MYH15: variants seen among roughly 807,000 people sequenced by gnomAD.
MYH15 encodes myosin heavy chain 15, also known as myosin-15.
MYH15 carries 227 observed loss-of-function variants against 240.5 expected under a neutral mutation model. That is an observed-to-expected ratio of 0.94 (90% CI 0.85 to 1.05). The LOEUF is 1.05. Ranked by LOEUF, MYH15 falls within the 50% of genes least tolerant of loss-of-function variation. The probability of loss-of-function intolerance (pLI) is 0.00; values close to 1 mark genes in which losing one functional copy is unlikely to be tolerated. For missense variants in MYH15, 2,217 were observed against 2,247.5 expected (o/e 0.99, Z 0.27); for synonymous variants, 785 against 796.7 (o/e 0.99, Z 0.25).
At chr3:108,485,314 GCTGT>G in intron 10 of MYH15, 85 bp from the exon 11 acceptor site, 1 of 1,475,212 alleles carries the variant, frequency 6.8e-7, no homozygotes, top group Non-Finnish European at 9.3e-7. Flanking sequence ...TACACCTCGG[GCTGT>G]GGGCTGAGGG....
At position 108,416,866 on chromosome 3, in the gene MYH15, GCT is replaced by G; in HGVS notation, c.3892_3893del (p.Ser1298GlnfsTer7). 1 of 1,614,024 alleles carries G rather than the reference GCT, an allele frequency of 6.2e-7. No individual in the cohort carries two copies. The highest frequency in any genetic ancestry group is 2.2e-5 in the East Asian group (1 of 44,878). On this transcript the variant is annotated frameshift_variant, in exon 29 of 41. Transcript: ENST00000693548. LOFTEE classifies it high-confidence loss of function. ...ALINQLSREK[S>X]NFTRQIEDLR... ...GGTCTTCAATCTGCCGAGTGAAGTT[GCT>G]CTTTTCCCTGGAAAGTTGGTTTATC...
At chr3:108,422,357 A>G (rs1028613077) in intron 27 of MYH15, among the ~76,000 whole-genome samples, 2 of 151,828 alleles carry the variant, frequency 1.3e-5, no homozygotes, top group Admixed American at 1.3e-4. Context: ...AGGTGGGATT[A>G]TAGGCATGCG....
chr3:108,542,434 TGAC>T, the MYH15 span, among the ~76,000 whole-genome samples: 2 of 152,238 alleles, frequency 1.3e-5, no homozygotes, highest in South Asian at 4.1e-4. Context: ...TCTATAGTTT[TGAC>T]TTTTCCAGAA....
intron 29 of MYH15, 73 bp from the exon 30 acceptor site, chr3:108,414,501 T>C (rs984884207): frequency 1.4e-6 from 2 of 1,389,898 alleles, no homozygotes; most frequent in African/African-American, 2.9e-5. Context: ...TAAGCTAATT[T>C]TTTTTTTAGG....
At chr3:108,432,967 G>A (rs757611266) in intron 25 of MYH15, among the ~76,000 whole-genome samples, 59 of 152,178 alleles carry the variant, frequency 3.9e-4, no homozygotes, top group Non-Finnish European at 8.8e-5. Flanking sequence ...ACTGCCTAGT[G>A]GAAGTGTAAG....
intron 1 of MYH15, among the ~76,000 whole-genome samples, chr3:108,518,532 A>G (rs9844252): frequency 0.019 from 2,955 of 152,280 alleles, 105 homozygotes; most frequent in African/African-American, 0.068. Context: ...TCCGCATCCT[A>G]TGATAAAAGC....
intron 4 of MYH15, 54 bp downstream of exon 4, chr3:108,500,064 G>A: frequency 1.9e-6 from 3 of 1,563,516 alleles, no homozygotes; most frequent in Non-Finnish European, 2.6e-6. Context: ...TAGGGACATA[G>A]AGAAAAAGTA....
chr3:108,483,518 C>A (rs1365948800), intron 11 of MYH15, among the ~76,000 whole-genome samples: 1 of 152,006 alleles, frequency 6.6e-6, no homozygotes, highest in East Asian at 1.9e-4. Flanking sequence ...GAGGTATGGC[C>A]ACTGTGGAAA....
At chr3:108,545,812 T>C in the MYH15 span, among the ~76,000 whole-genome samples, 1 of 152,016 alleles carries the variant, frequency 6.6e-6, no homozygotes, top group Non-Finnish European at 1.5e-5. Context: ...CTCTTCCCAA[T>C]ACCTATTATA....
chr3:108,470,973 C>T, intron 12 of MYH15, 126 bp from the exon 13 acceptor site: 1 of 679,958 alleles, frequency 1.5e-6, no homozygotes, highest in African/African-American at 1.8e-5. Context: ...GTGCTTCCAA[C>T]ATTCTGCTGA....
At position 108,384,849 on chromosome 3, in the gene MYH15, CAT is replaced by C. The variant is rs2082370023; in HGVS notation, c.5536-69_5536-68del. ...CCAGCAGTCTACGTTGGTGTAGTCT[CAT>C]GTGGGGAAATAAGGATCAGGGAACT... On this transcript the variant is annotated intron_variant, in intron 38 of 40. Coordinates refer to ENST00000693548, the MANE Select transcript of MYH15 (RefSeq NM_014981.3). 8.1e-6 allele frequency: 11 copies of C among 1,362,726 alleles called. No homozygotes were observed. In the Admixed American group the frequency reaches 1.5e-4, roughly 18 times the overall value. 84.4% of individuals were successfully genotyped at this position (1,362,726 alleles called of 1,614,324 possible).
At chr3:108,536,901 G>A in the MYH15 span, among the ~76,000 whole-genome samples, 3 of 152,216 alleles carry the variant, frequency 2.0e-5, no homozygotes. Flanking sequence ...CAAGGTTACT[G>A]TTTGAAAACA....
chr3:108,431,033 T>C, intron 25 of MYH15, 111 bp from the exon 26 acceptor site: 4 of 756,532 alleles, frequency 5.3e-6, no homozygotes, highest in South Asian at 1.7e-5. Flanking sequence ...TTTGAGGTGA[T>C]AGATATCCCA....
intron 14 of MYH15, among the ~76,000 whole-genome samples, chr3:108,469,420 A>C (rs2083151610): frequency 6.6e-6 from 1 of 152,234 alleles, no homozygotes; most frequent in African/African-American, 2.4e-5. Context: ...ATCCCCCAGC[A>C]AACCTTGCTC....
At chr3:108,397,273 C>T (rs569922436) in intron 35 of MYH15, among the ~76,000 whole-genome samples, 14 of 152,290 alleles carry the variant, frequency 9.2e-5, no homozygotes, top group African/African-American at 3.1e-4. Context: ...ATCCTTCTGG[C>T]TATCCACCGA....
chr3:108,512,676 G>C (rs1219626067), upstream of MYH15, among the ~76,000 whole-genome samples: 1 of 152,078 alleles, frequency 6.6e-6, no homozygotes, highest in Non-Finnish European at 1.5e-5. Flanking sequence ...TGTGCCATGT[G>C]CTTATATTTC....
chr3:108,547,002 T>C, the MYH15 span, among the ~76,000 whole-genome samples: 2 of 152,062 alleles, frequency 1.3e-5, no homozygotes, highest in Non-Finnish European at 2.9e-5. Flanking sequence ...TACAGAGGTA[T>C]ATAATTTCAA....
At position 108,408,385 on chromosome 3, in the gene MYH15, T is replaced by C. The variant is rs9878261; in HGVS notation, c.4515A>G (p.Thr1505=). The C allele has an allele frequency of 5.6e-3, 9,002 of 1,611,256 alleles. 447 individuals carry two copies. The African/African-American group carries it at 0.11, about 19-fold the overall frequency. ...TCTTGGTCCCTTCTCTAACCTGGTT[T>C]GTCAGATTAGAAATCTCTTCTGGAG... is the stretch of plus-strand genomic sequence containing the variant. ...KNLQEEISNL[T]NQVREGTKNL... Residue 1505 remains threonine (T), a synonymous_variant, in exon 32 of 41, where the codon ACA becomes ACG. Transcript: ENST00000693548.
intron 25 of MYH15, among the ~76,000 whole-genome samples, chr3:108,432,282 G>T (rs916015985): frequency 2.0e-5 from 3 of 152,082 alleles, no homozygotes; most frequent in African/African-American, 7.2e-5. Context: ...TGGTCTCTAA[G>T]TCCTGAGCTC....
Sources: gnomAD v4.1 joint callset for allele counts (sites outside exome capture counted in the v4.1 genomes callset) on GRCh38, gnomAD v4.1.1 for gene constraint, MANE v1.5 for transcripts, NCBI Gene and HGNC (gene_info 2026-07-23, HGNC 2026-07-21) for gene names.